Variants in ARMCX4 observed in about 807,000 individuals in gnomAD.
ARMCX4 encodes armadillo repeat containing X-linked 4, also known as armadillo repeat-containing X-linked protein 4.
In ARMCX4, 3 loss-of-function variants were observed where a neutral mutation model predicts 34.7. The ratio of observed to expected loss-of-function variants is 0.09; its 90% CI spans 0.04 to 0.22. ARMCX4 has a LOEUF of 0.22. Among genes scored for constraint, ARMCX4 ranks in the 10% least tolerant of loss-of-function variants. The pLI, the probability that ARMCX4 is intolerant of heterozygous loss-of-function variation, is 1.00. For synonymous variants in ARMCX4, 513 were observed against 632.8 expected, an observed-to-expected ratio of 0.81 and a Z score of 2.84; for missense variants, 1,448 against 1,720.8, an observed-to-expected ratio of 0.84 and a Z score of 2.81.
chrX:101,446,424 G>A (rs1485815015), downstream of ARMCX4, among the ~76,000 whole-genome samples: 1 of 111,541 alleles, frequency 9.0e-6, no homozygotes, highest in East Asian at 2.8e-4. Context: ...GGCATAAAAT[G>A]GCAACTTCCT....
upstream of ARMCX4, among the ~76,000 whole-genome samples, chrX:101,481,451 AG>A (rs1933446169): frequency 8.9e-6 from 1 of 112,246 alleles, no homozygotes; most frequent in African/African-American, 3.2e-5. Context: ...GATGTTTGGT[AG>A]GTTGGATGTA....
At chrX:101,462,031 A>C (rs1932635388) in intron 4 of ARMCX4, among the ~76,000 whole-genome samples, 1 of 112,519 alleles carries the variant, frequency 8.9e-6, no homozygotes, top group Non-Finnish European at 1.9e-5. Context: ...TATTTATGTC[A>C]GTAAACATTG....
chrX:101,425,486 C>T (rs188385280), intron 2 of ARMCX4, among the ~76,000 whole-genome samples: 74 of 108,328 alleles, frequency 6.8e-4, no homozygotes, highest in East Asian at 5.9e-4. Context: ...TTCCGCCTCC[C>T]GGGTTCAAGC....
chrX:101,430,123 T>G (rs188918679), intron 2 of ARMCX4, among the ~76,000 whole-genome samples: 6 of 112,079 alleles, frequency 5.4e-5, no homozygotes, highest in Admixed American at 9.5e-5. Context: ...TAAATAAAAA[T>G]AGGGTTATGG....
At position 101,490,307 on chromosome X, in the gene ARMCX4, A is replaced by C; in HGVS notation, c.1718A>C (p.Asn573Thr). Residue 573 changes from asparagine to threonine, a missense_variant, in exon 6 of 6, where the codon AAT becomes ACT. Transcript: ENST00000423738. Reference sequence around the variant, plus strand: ...AGGGTTGATGGTAGGGGCAATCCTAATGCCACTTCTAAAGCCGGGACTAAG... The same window carrying C: ...AGGGTTGATGGTAGGGGCAATCCTACTGCCACTTCTAAAGCCGGGACTAAG... ...DSRVDGRGNPNATSKAGTKAD... is the reference protein window; with the variant it reads ...DSRVDGRGNPTATSKAGTKAD... 1 of 1,154,654 alleles carries C rather than the reference A, an allele frequency of 8.7e-7. No homozygotes were observed. Among genetic ancestry groups the C allele is most frequent in the Non-Finnish European group, 1.1e-6 (1 of 872,268 alleles).
downstream of ARMCX4, among the ~76,000 whole-genome samples, chrX:101,495,973 T>C (rs184787446): frequency 3.8e-4 from 42 of 111,670 alleles, 1 homozygote; most frequent in Admixed American, 3.4e-3. Context: ...AGGAAAGTTT[T>C]ACAAAGGAGG....
chrX:101,518,194 G>T (rs1181194416), intron 11 of ARMCX4, among the ~76,000 whole-genome samples: 1 of 111,606 alleles, frequency 9.0e-6, no homozygotes. Context: ...ATTCTGTAAA[G>T]TTTAATGCAA....
chrX:101,478,377 A>G (rs1420065697), intron 4 of ARMCX4, among the ~76,000 whole-genome samples: 1 of 112,292 alleles, frequency 8.9e-6, no homozygotes. Flanking sequence ...AGAAGCTTCT[A>G]TGTTAGAATA....
At chrX:101,457,091 C>A (rs941529867) in intron 4 of ARMCX4, among the ~76,000 whole-genome samples, 16 of 111,254 alleles carry the variant, frequency 1.4e-4, no homozygotes, top group African/African-American at 5.2e-4. Flanking sequence ...AAAATTATTT[C>A]AACTTCTTTG....
At chrX:101,496,920 T>C (rs1556011996), downstream of ARMCX4, among the ~76,000 whole-genome samples, 1 of 112,145 alleles carries the variant, frequency 8.9e-6, no homozygotes, top group African/African-American at 3.2e-5. Context: ...CTGTGCATCT[T>C]CAAACTGTTT....
In ARMCX4 at chrX:101,461,713, C is replaced by G. The variant is rs139005674; in HGVS notation, c.-473+15669C>G. 8.4e-3 allele frequency among the ~76,000 whole-genome samples: 940 copies of G among 111,595 alleles called. 32 individuals carry two copies. Among genetic ancestry groups the G allele is most frequent in the Admixed American group, 0.084 (876 of 10,415 alleles). ...GGTTCCAATTTCTCCACATCCTCAC[C>G]AACACTTAACTATTTTCTCCCTCTC... is the stretch of plus-strand genomic sequence containing the variant. On this transcript the variant is annotated intron_variant and NMD_transcript_variant, in intron 4 of 15. Coordinates refer to the ARMCX4 transcript ENST00000433011.
At position 101,491,807 on chromosome X, in the gene ARMCX4, C is replaced by A. The variant is rs1933990703; in HGVS notation, c.3218C>A (p.Thr1073Asn). Reference protein sequence around the residue: ...YAKPEAEAMPTSESEGGSGTQ... With the variant: ...YAKPEAEAMPNSESEGGSGTQ... Reference sequence around the variant, plus strand: ...AAGCCTGAGGCTGAGGCCATGCCCACTTCTGAGAGTGAGGGTGGGTCAGGC... The same window carrying A: ...AAGCCTGAGGCTGAGGCCATGCCCAATTCTGAGAGTGAGGGTGGGTCAGGC... The change falls in exon 6 of 6, where the codon ACT becomes AAT. Residue 1073 changes from threonine to asparagine, a missense_variant. By Grantham distance (65) the Thr-to-Asn change is moderately conservative. Around this residue, in one of 2 missense-constraint regions of ARMCX4, gnomAD observed 1,343 missense variants for 1,540.7 expected, o/e 0.87. Transcript: ENST00000423738. The A allele has an allele frequency of 8.7e-7, 1 of 1,155,664 alleles. No individual in the cohort carries two copies. The highest frequency in any genetic ancestry group is 1.1e-6 in the Non-Finnish European group (1 of 872,915).
intron 11 of ARMCX4, among the ~76,000 whole-genome samples, chrX:101,522,653 A>T (rs1556019415): frequency 8.9e-6 from 1 of 111,781 alleles, no homozygotes; most frequent in East Asian, 2.8e-4. Context: ...ACTATATTTT[A>T]GAATTTATTT....
intron 4 of ARMCX4, among the ~76,000 whole-genome samples, chrX:101,473,721 C>T (rs1933025532): frequency 1.0e-5 from 1 of 99,272 alleles, no homozygotes; most frequent in African/African-American, 3.7e-5. Flanking sequence ...GGATACATAA[C>T]GAAATGAAGG....
Position 101,453,070 on chromosome X carries a change from A to G in ARMCX4, c.-473+7026A>G, listed in dbSNP as rs186389688. Among the ~76,000 whole-genome samples, 126 of 110,523 alleles carry G rather than the reference A, an allele frequency of 1.1e-3. 1 individual carries two copies. The highest frequency in any genetic ancestry group is 2.0e-3 in the Non-Finnish European group (106 of 52,892). On this transcript the variant is annotated intron_variant and NMD_transcript_variant, in intron 4 of 15. Coordinates refer to the ARMCX4 transcript ENST00000433011. ...TTAGAACGGTTAGATAGTTTTTTTT[A>G]GGATCACTCAACTAGTGAGTGGAAC...
At chrX:101,442,716 C>T (rs934825387) in intron 2 of ARMCX4, among the ~76,000 whole-genome samples, 2 of 111,234 alleles carry the variant, frequency 1.8e-5, no homozygotes. Context: ...AGTTTTCCAC[C>T]CCTGTAAAGG....
intron 11 of ARMCX4, among the ~76,000 whole-genome samples, chrX:101,525,374 G>A (rs1470149043): frequency 8.9e-6 from 1 of 111,973 alleles, no homozygotes; most frequent in Non-Finnish European, 1.9e-5. Context: ...AACCAGAGCA[G>A]AAAAGCTGAA....
At chrX:101,420,707 T>C (rs1440084470) in intron 2 of ARMCX4, among the ~76,000 whole-genome samples, 1 of 112,298 alleles carries the variant, frequency 8.9e-6, no homozygotes, top group Non-Finnish European at 1.9e-5. Flanking sequence ...GGTTTGAGGC[T>C]ATGTGTTCAG....
downstream of ARMCX4, chrX:101,499,509 G>A (rs950956911): frequency 8.9e-6 from 1 of 112,422 alleles, no homozygotes; most frequent in South Asian, 3.7e-4. Flanking sequence ...TCACTGAGAA[G>A]TTCAGTAGTG....
Sources: gnomAD v4.1 joint callset for allele counts (sites outside exome capture counted in the v4.1 genomes callset) on GRCh38, gnomAD v4.1.1 for gene constraint, gnomAD v4.1.1 regional missense constraint, MANE v1.5 for transcripts, NCBI Gene and HGNC (gene_info 2026-07-23, HGNC 2026-07-21) for gene names.